SLC16A1: variants seen among roughly 807,000 people sequenced by gnomAD.
SLC16A1 encodes solute carrier family 16 member 1.
SLC16A1 carries 11 observed loss-of-function variants against 32.2 expected under a neutral mutation model. The ratio of observed to expected loss-of-function variants is 0.34; its 90% CI spans 0.21 to 0.56. The LOEUF (loss-of-function observed/expected upper bound fraction) is 0.56, where lower values mean the gene tolerates loss of function less well. Ranked by LOEUF, SLC16A1 falls within the 20% of genes least tolerant of loss-of-function variation. The pLI, the probability that SLC16A1 is intolerant of heterozygous loss-of-function variation, is 0.87. For synonymous variants in SLC16A1, 231 were observed against 226.8 expected, an observed-to-expected ratio of 1.02 and a Z score of -0.17; for missense variants, 435 against 615.0, an observed-to-expected ratio of 0.71 and a Z score of 3.10.
intron 1 of SLC16A1, among the ~76,000 whole-genome samples, chr1:112,933,992 T>C (rs777041842): frequency 3.3e-5 from 5 of 152,176 alleles, no homozygotes; most frequent in Non-Finnish European, 4.4e-5. Context: ...AGCCATATAA[T>C]AGAATACTAC....
intron 2 of SLC16A1, among the ~76,000 whole-genome samples, chr1:112,928,194 C>T (rs1649004406): frequency 1.3e-5 from 2 of 152,190 alleles, no homozygotes; most frequent in African/African-American, 4.8e-5. Context: ...TCTCTTTCTC[C>T]ATGGCAGCCA....
intron 1 of SLC16A1, among the ~76,000 whole-genome samples, chr1:112,946,082 T>C (rs1245378721): frequency 2.0e-5 from 3 of 152,236 alleles, no homozygotes; most frequent in African/African-American, 7.2e-5. Context: ...TGTGGAAAAC[T>C]AGAAATTTAG....
At chr1:112,927,080 C>A (rs1648967175) in intron 2 of SLC16A1, among the ~76,000 whole-genome samples, 1 of 139,016 alleles carries the variant, frequency 7.2e-6, no homozygotes, top group South Asian at 2.3e-4. Flanking sequence ...GAGACATGAT[C>A]ATGCCACTGT....
intron 1 of SLC16A1, among the ~76,000 whole-genome samples, chr1:112,932,864 C>A (rs1408111057): frequency 6.8e-6 from 1 of 147,426 alleles, no homozygotes; most frequent in Non-Finnish European, 1.5e-5. Flanking sequence ...ATTCAGATGA[C>A]AGATATGTAT....
At chr1:112,948,891 C>T (rs1393907920) in intron 1 of SLC16A1, among the ~76,000 whole-genome samples, 2 of 151,638 alleles carry the variant, frequency 1.3e-5, no homozygotes, top group South Asian at 2.1e-4. Context: ...AGTGCAGTGG[C>T]GTGATCTCCG....
At chr1:112,951,446 G>A (rs1303349377) in intron 1 of SLC16A1, among the ~76,000 whole-genome samples, 3 of 152,146 alleles carry the variant, frequency 2.0e-5, no homozygotes, top group Non-Finnish European at 4.4e-5. Context: ...AGCTTTAAGT[G>A]ACATATTAAG....
intron 1 of SLC16A1, among the ~76,000 whole-genome samples, chr1:112,932,115 C>G (rs1011889435): frequency 6.6e-6 from 1 of 152,152 alleles, no homozygotes; most frequent in African/African-American, 2.4e-5. Flanking sequence ...ATGAAAATAG[C>G]TCCATACAAG....
At chr1:112,926,925 A>G (rs951961249) in intron 2 of SLC16A1, among the ~76,000 whole-genome samples, 46 of 151,098 alleles carry the variant, frequency 3.0e-4, no homozygotes, top group Non-Finnish European at 5.6e-4. Flanking sequence ...ACTTAAAAAA[A>G]AAAGGATCAG....
At chr1:112,920,475 G>C (rs534808849) in intron 3 of SLC16A1, among the ~76,000 whole-genome samples, 1 of 152,166 alleles carries the variant, frequency 6.6e-6, no homozygotes, top group South Asian at 2.1e-4. Context: ...GTGTGGTAGC[G>C]GGCGCCTGTA....
intron 1 of SLC16A1, among the ~76,000 whole-genome samples, chr1:112,941,167 C>A (rs775163523): frequency 1.3e-5 from 2 of 151,718 alleles, no homozygotes; most frequent in African/African-American, 4.8e-5. Flanking sequence ...AAAACCTGCA[C>A]ATGTACCCCA....
intron 4 of SLC16A1, among the ~76,000 whole-genome samples, chr1:112,915,105 C>CTTTA (rs1431143911): frequency 6.6e-6 from 1 of 152,144 alleles, no homozygotes; most frequent in Non-Finnish European, 1.5e-5. Flanking sequence ...TTTATTGAGC[C>CTTTA]TTTATCATAT....
At chr1:112,934,995 T>A (rs1329832948) in intron 1 of SLC16A1, among the ~76,000 whole-genome samples, 3 of 152,166 alleles carry the variant, frequency 2.0e-5, no homozygotes, top group Non-Finnish European at 4.4e-5. Context: ...AATATTTAAA[T>A]GACTAAAGAC....
rs571537404 is a variant in SLC16A1 at position 112,934,649 on chromosome 1, T to C, written c.-44-5297A>G. On this transcript the variant is annotated intron_variant, in intron 1 of 4. Coordinates refer to ENST00000369626, the MANE Select transcript of SLC16A1 (RefSeq NM_003051.4). Reference sequence around the variant, plus strand: ...CAAAAGGAGAGGGCAGGCAAACTTCTTTGTCTTAGTTATCTAGACGGTTAA... The same window carrying C: ...CAAAAGGAGAGGGCAGGCAAACTTCCTTGTCTTAGTTATCTAGACGGTTAA... Among the ~76,000 whole-genome samples the C allele has an allele frequency of 1.4e-3, 215 of 152,220 alleles. 1 individual carries two copies. Among genetic ancestry groups the C allele is most frequent in the African/African-American group, 5.0e-3 (206 of 41,548 alleles).
intron 4 of SLC16A1, among the ~76,000 whole-genome samples, chr1:112,915,473 C>T (rs894195514): frequency 3.9e-5 from 6 of 152,170 alleles, no homozygotes; most frequent in Non-Finnish European, 7.3e-5. Context: ...CTGGGGCCAG[C>T]CCATGCAGTG....
At chr1:112,954,024 C>T (rs76612089) in intron 1 of SLC16A1, among the ~76,000 whole-genome samples, 1,551 of 152,290 alleles carry the variant, frequency 0.01, 15 homozygotes, top group Non-Finnish European at 0.016. Context: ...TTGTTCACTG[C>T]TGAATCCTAA....
At position 112,922,061 on chromosome 1, in the gene SLC16A1, C is replaced by T. The variant is rs1315687539; in HGVS notation, c.290G>A (p.Gly97Asp). Residue 97 changes from glycine (G) to aspartate (D), a missense_variant, in exon 3 of 5, where the codon GGC becomes GAC. Physicochemically the swap from Gly to Asp is moderately conservative, Grantham distance 94 (BLOSUM62 -1). This residue lies in a region of SLC16A1 where 324 missense variants were observed against 500.3 expected (regional missense o/e 0.65). Coordinates refer to ENST00000369626, the MANE Select transcript of SLC16A1 (RefSeq NM_003051.4). ...IVMIVGGCLS[G>D]CGLIAASFCN... is the part of the protein sequence containing the mutation. Reference sequence around the variant, plus strand: ...GAAAGAAGCTGCAATCAAGCCACAGCCTGACAAGCAGCCACCAACAATCAT... The same window carrying T: ...GAAAGAAGCTGCAATCAAGCCACAGTCTGACAAGCAGCCACCAACAATCAT... The T allele has an allele frequency of 6.2e-7, 1 of 1,614,132 alleles. No homozygotes were observed. The highest frequency in any genetic ancestry group is 8.5e-7 in the Non-Finnish European group (1 of 1,180,006).
chr1:112,942,251 C>T (rs1570641933), intron 1 of SLC16A1, among the ~76,000 whole-genome samples: 1 of 152,174 alleles, frequency 6.6e-6, no homozygotes, highest in Non-Finnish European at 1.5e-5. Flanking sequence ...GGATTACAGG[C>T]GTGAGCCACT....
intron 2 of SLC16A1, chr1:112,923,581 C>T: frequency 7.4e-7 from 1 of 1,344,592 alleles, no homozygotes; most frequent in Non-Finnish European, 1.1e-6. Context: ...GATACCAAGG[C>T]CAATCCATTG....
intron 2 of SLC16A1, chr1:112,924,036 G>A (rs754438574): frequency 1.0e-5 from 13 of 1,299,070 alleles, no homozygotes; most frequent in African/African-American, 1.5e-5. Flanking sequence ...TCAATGGGCA[G>A]AGATCTACAG....
Sources: gnomAD v4.1 joint callset for allele counts (sites outside exome capture counted in the v4.1 genomes callset) on GRCh38, gnomAD v4.1.1 for gene constraint, gnomAD v4.1.1 regional missense constraint, MANE v1.5 for transcripts, NCBI Gene and HGNC (gene_info 2026-07-23, HGNC 2026-07-21) for gene names.